Variants in GRIP1 observed in about 807,000 individuals in gnomAD.
GRIP1 encodes glutamate receptor-interacting protein 1.
Under a neutral mutation model 129.9 loss-of-function variants are expected in GRIP1, and 45 were observed. The ratio of observed to expected loss-of-function variants is 0.35; its 90% confidence interval spans 0.27 to 0.44. The LOEUF is 0.44. GRIP1 is among the 20% of genes least tolerant of loss of function. The pLI is 1.00. For missense variants in GRIP1, 1,196 were observed against 1,396.8 expected, an observed-to-expected ratio of 0.86 and a Z score of 2.29; for synonymous variants, 530 against 520.8, an observed-to-expected ratio of 1.02 and a Z score of -0.24.
rs561040544 is a variant in GRIP1 at position 66,371,158 on chromosome 12, AT to A, written c.3012+535del. 4.8e-3 allele frequency among the ~76,000 whole-genome samples: 652 copies of A among 134,942 alleles called. 1 individual carries two copies. Among genetic ancestry groups the A allele is most frequent in the Admixed American group, 5.0e-3 (66 of 13,164 alleles). The allele number at this position is 134,942 out of a possible 152,430, so 88.5% of individuals were successfully genotyped here. The stretch of plus-strand genomic sequence containing the variant: ...TGTAAGAAGATTATGGCCATAAATA[AT>A]TTTTTTTTTTTTTTTTTGGGACAGA... On this transcript the variant is annotated intron_variant, in intron 23 of 24. Coordinates refer to ENST00000359742, the MANE Select transcript of GRIP1 (RefSeq NM_001366722.1).
At chr12:66,737,268 C>T (rs968917565) in intron 1 of GRIP1, among the ~76,000 whole-genome samples, 1 of 152,174 alleles carries the variant, frequency 6.6e-6, no homozygotes, top group African/African-American at 2.4e-5. Flanking sequence ...GATTTCCAGG[C>T]TACCCTCTAT....
chr12:66,905,061 T>C (rs200229779), intron 1 of GRIP1, among the ~76,000 whole-genome samples: 3 of 152,198 alleles, frequency 2.0e-5, no homozygotes, highest in East Asian at 1.9e-4. Flanking sequence ...TCTCTATGCA[T>C]GTTGACTCTG....
At chr12:66,452,850 C>A (rs1455885499) in intron 11 of GRIP1, among the ~76,000 whole-genome samples, 1 of 151,928 alleles carries the variant, frequency 6.6e-6, no homozygotes, top group East Asian at 1.9e-4. Context: ...AGAAAAAAAT[C>A]CTCACTTAAA....
At chr12:66,580,097 A>T (rs1260391261) in intron 2 of GRIP1, among the ~76,000 whole-genome samples, 1 of 149,080 alleles carries the variant, frequency 6.7e-6, no homozygotes, top group African/African-American at 2.5e-5. Context: ...AGTGGGGGCC[A>T]ATATTCAACA....
intron 1 of GRIP1, among the ~76,000 whole-genome samples, chr12:66,608,231 T>C (rs1437031836): frequency 6.6e-6 from 1 of 152,202 alleles, no homozygotes; most frequent in Non-Finnish European, 1.5e-5. Context: ...GAGTCTGTGC[T>C]TTTTGTTATT....
intron 1 of GRIP1, among the ~76,000 whole-genome samples, chr12:66,750,887 G>A (rs940051912): frequency 1.2e-4 from 19 of 152,126 alleles, no homozygotes; most frequent in African/African-American, 4.1e-4. Flanking sequence ...ATTTACATGT[G>A]ATCATTAAAA....
chr12:66,968,814 T>G (rs112984762), intron 1 of GRIP1, among the ~76,000 whole-genome samples: 2,526 of 152,236 alleles, frequency 0.017, 65 homozygotes, highest in African/African-American at 0.058. Context: ...CCTTCTCTGA[T>G]GTTCTTTCCT....
At chr12:66,607,622 A>G (rs2064596441) in intron 1 of GRIP1, among the ~76,000 whole-genome samples, 2 of 152,144 alleles carry the variant, frequency 1.3e-5, no homozygotes, top group South Asian at 4.1e-4. Context: ...TGTAGCTGGC[A>G]AGGAGATCGC....
intron 1 of GRIP1, among the ~76,000 whole-genome samples, chr12:66,772,508 C>T (rs1361563808): frequency 6.6e-6 from 1 of 152,152 alleles, no homozygotes; most frequent in Non-Finnish European, 1.5e-5. Context: ...CACAGTTGGG[C>T]ATTTTGAAGG....
In GRIP1 at chr12:66,999,366, G is replaced by A. The variant is rs1374988259; in HGVS notation, c.58+69684C>T. Reference sequence around the variant, plus strand: ...AGTTGGAATTTCCATTTGAAGGTTAGAAAACCCTGGTGGTAGAGTCTTACT... The same window carrying A: ...AGTTGGAATTTCCATTTGAAGGTTAAAAAACCCTGGTGGTAGAGTCTTACT... On this transcript the variant is annotated intron_variant, in intron 1 of 1. Transcript: ENST00000643019. 2.0e-5 allele frequency among the ~76,000 whole-genome samples: 3 copies of A among 152,266 alleles called. No homozygotes were observed. The East Asian group carries it at 5.8e-4, about 29-fold the overall frequency.
intron 1 of GRIP1, among the ~76,000 whole-genome samples, chr12:66,601,322 C>T (rs2064266153): frequency 6.6e-6 from 1 of 152,166 alleles, no homozygotes; most frequent in Admixed American, 6.5e-5. Context: ...ACTGCCTATG[C>T]TGGAGCTGGG....
chr12:66,463,326 T>C lies in GRIP1; in HGVS notation c.873-233A>G, dbSNP rs866240014. Among the ~76,000 whole-genome samples, 13 of 146,372 alleles carry C rather than the reference T, an allele frequency of 8.9e-5. No homozygotes were observed. In the South Asian group the frequency reaches 2.1e-3, roughly 24 times the overall value. ...AAATTCAACGAAATGTTTTCTCTTG[T>C]CTTTCTTTAAAAAAAAAATCTTATT... On this transcript the variant is annotated intron_variant, in intron 8 of 24. Transcript: ENST00000359742.
chr12:67,047,508 T>C (rs1368482596), intron 1 of GRIP1, among the ~76,000 whole-genome samples: 1 of 152,176 alleles, frequency 6.6e-6, no homozygotes, highest in Admixed American at 6.5e-5. Context: ...TCCCATGTTA[T>C]GCAAATCTTT....
rs748630387 is a variant in GRIP1, at chr12:66,379,318, C to A, written c.2583G>T (p.Gly861=). ...KPRSQTYPDV[G]LSYEDWDRST... is the part of the protein sequence containing the mutation. ...ACCGGTCCCAGTCTTCATAACTCAG[C>A]CCCACATCTGGGTAAGTCTGGCTTC... Residue 861 remains glycine, a synonymous_variant, in exon 20 of 25, where the codon GGG becomes GGT. Transcript: ENST00000359742. 14 of 1,613,964 alleles carry A rather than the reference C, an allele frequency of 8.7e-6. No homozygotes were observed. The South Asian group carries it at 1.3e-4, about 15-fold the overall frequency.
intron 20 of GRIP1, among the ~76,000 whole-genome samples, chr12:66,377,488 T>C (rs1031653266): frequency 1.1e-4 from 17 of 148,714 alleles, no homozygotes; most frequent in African/African-American, 3.2e-4. Context: ...CCACCACGCC[T>C]GGCTAATTTT....
chr12:66,827,387 T>TGTGAGTGTGTGAGAGAGAGAGAGA (rs755458052), intron 1 of GRIP1, among the ~76,000 whole-genome samples: 1 of 108,226 alleles, frequency 9.2e-6, no homozygotes, highest in East Asian at 3.6e-4. Context: ...TGTGTGTGTG[T>TGTGAGTGTGTGAGAGAGAGAGAGA]GAGAGAGAGA....
At chr12:66,573,892 A>C (rs541179404) in intron 2 of GRIP1, among the ~76,000 whole-genome samples, 2 of 152,150 alleles carry the variant, frequency 1.3e-5, no homozygotes, top group Non-Finnish European at 2.9e-5. Context: ...GACTGCTGAG[A>C]GGGGGATCAT....
chr12:67,050,232 C>T (rs1186990903), intron 1 of GRIP1, among the ~76,000 whole-genome samples: 3 of 152,050 alleles, frequency 2.0e-5, no homozygotes, highest in Non-Finnish European at 4.4e-5. Flanking sequence ...GCAACTTATC[C>T]TATTTTCTAT....
At chr12:67,011,736 T>G (rs2042711204) in intron 1 of GRIP1, among the ~76,000 whole-genome samples, 1 of 152,158 alleles carries the variant, frequency 6.6e-6, no homozygotes, top group African/African-American at 2.4e-5. Context: ...TACAGAAATT[T>G]GAAATCACAT....
Sources: allele counts gnomAD v4.1 joint callset (sites outside exome capture counted in the v4.1 genomes callset), GRCh38; gene constraint gnomAD v4.1.1; transcripts MANE v1.5; gene names NCBI Gene and HGNC (gene_info 2026-07-23, HGNC 2026-07-21).